The following KIRREL3 variants were observed in gnomAD, a reference collection of about 807,000 sequenced individuals.
The protein encoded by KIRREL3 is kin of IRRE-like protein 3.
KIRREL3 carries 36 observed loss-of-function variants against 89.7 expected under a neutral mutation model. That is an observed-to-expected ratio of 0.40 (90% CI 0.31 to 0.53). The LOEUF is 0.53. Ranked by LOEUF, KIRREL3 falls within the 20% of genes least tolerant of loss-of-function variation. KIRREL3 has a pLI of 0.49. For synonymous variants in KIRREL3, 445 were observed against 441.4 expected, an observed-to-expected ratio of 1.01 and a Z score of -0.10; for missense variants, 864 against 1,056.6, an observed-to-expected ratio of 0.82 and a Z score of 2.53.
Position 126,491,548 on chromosome 11 carries a change from A to G in KIRREL3, c.434-18082T>C, listed in dbSNP as rs1019392022. On this transcript the variant is annotated intron_variant, in intron 4 of 16. Transcript: ENST00000525144. This position sits in a 1 kb window ranked among gnomAD's most constrained non-coding sequence, Gnocchi z 5.5. ...GAGGTCTGGGGCAGGTAAGGAGGCC[A>G]TATCAGGAACACCTGCCCATGTCTG... 1.3e-5 allele frequency among the ~76,000 whole-genome samples: 2 copies of G among 152,172 alleles called. No individual in the cohort carries two copies. Among genetic ancestry groups the G allele is most frequent in the African/African-American group, 2.4e-5 (1 of 41,450 alleles).
intron 2 of KIRREL3, among the ~76,000 whole-genome samples, chr11:126,538,903 G>A (rs764771980): frequency 6.6e-6 from 1 of 152,166 alleles, no homozygotes; most frequent in Admixed American, 6.5e-5. Flanking sequence ...TCAGAGTGAG[G>A]CACAAAGTCC....
intron 4 of KIRREL3, among the ~76,000 whole-genome samples, chr11:126,502,180 G>A (rs1482935168): frequency 6.6e-6 from 1 of 152,152 alleles, no homozygotes; most frequent in African/African-American, 2.4e-5. Context: ...ATGAATCCAG[G>A]TTCAGCCATT....
At chr11:126,895,048 C>A (rs1355108769) in intron 1 of KIRREL3, among the ~76,000 whole-genome samples, 1 of 152,100 alleles carries the variant, frequency 6.6e-6, no homozygotes, top group African/African-American at 2.4e-5. Flanking sequence ...CTAGGAAAGA[C>A]CGGGCTTTAA....
chr11:126,466,417 G>A (rs753160703), intron 5 of KIRREL3, among the ~76,000 whole-genome samples: 6 of 152,222 alleles, frequency 3.9e-5, no homozygotes, highest in Non-Finnish European at 8.8e-5. Context: ...AGGAAGGCTG[G>A]GTCTGCCAGC....
chr11:126,903,330 G>T lies in KIRREL3; in HGVS notation c.55+97125C>A, dbSNP rs1293628370. 6.6e-6 allele frequency among the ~76,000 whole-genome samples: 1 copy of T among 151,698 alleles called. No homozygotes were observed. Among genetic ancestry groups the T allele is most frequent in the Non-Finnish European group, 1.5e-5 (1 of 67,964 alleles). ...TCCTCTTTTTCTCTGGGTTAACAAT[G>T]CAGGGATCATAGTTGCACAATTATT... On this transcript the variant is annotated intron_variant, in intron 1 of 16. Transcript: ENST00000525144. The surrounding 1 kb of genome is among the most constrained non-coding windows in gnomAD (Gnocchi z 4.5).
At chr11:126,803,773 C>T (rs1011996984) in intron 1 of KIRREL3, among the ~76,000 whole-genome samples, 1 of 152,166 alleles carries the variant, frequency 6.6e-6, no homozygotes, top group Non-Finnish European at 1.5e-5. Flanking sequence ...CTTTTCTAAC[C>T]TGCTTGTTTT....
intron 4 of KIRREL3, among the ~76,000 whole-genome samples, chr11:126,478,655 GTATATGTA>G (rs927503215): frequency 7.7e-6 from 1 of 129,052 alleles, no homozygotes; most frequent in South Asian, 2.1e-4. Context: ...GTATGTATGT[GTATATGTA>G]TATATGTATG....
intron 1 of KIRREL3, among the ~76,000 whole-genome samples, chr11:126,675,070 G>C (rs1158640033): frequency 2.6e-5 from 4 of 152,190 alleles, no homozygotes; most frequent in Non-Finnish European, 2.9e-5. Context: ...GGAGCTTGTT[G>C]CCTGCCAGGC....
At position 126,535,065 on chromosome 11, in the gene KIRREL3, A is replaced by G. The variant is rs1290497645; in HGVS notation, c.134-8378T>C. Among the ~76,000 whole-genome samples the G allele has an allele frequency of 6.6e-6, 1 of 151,968 alleles. No individual in the cohort carries two copies. The highest frequency in any genetic ancestry group is 1.5e-5 in the Non-Finnish European group (1 of 67,984). ...TAGGGAGGTGGGCAGGAGGTGGAGC[A>G]TTTGGTGGCCTTTTGGGGGCTCTGG... On this transcript the variant is annotated intron_variant, in intron 2 of 16. Coordinates refer to ENST00000525144, the MANE Select transcript of KIRREL3 (RefSeq NM_032531.4). The surrounding 1 kb of genome is among the most constrained non-coding windows in gnomAD (Gnocchi z 4.5).
rs1020772171 is a variant in KIRREL3 at position 126,877,815 on chromosome 11, C to A, written c.55+122640G>T. Among the ~76,000 whole-genome samples, 2 of 152,140 alleles carry A rather than the reference C, an allele frequency of 1.3e-5. No homozygotes were observed. Among genetic ancestry groups the A allele is most frequent in the East Asian group, 3.8e-4 (2 of 5,200 alleles). On this transcript the variant is annotated intron_variant, in intron 1 of 16. Transcript: ENST00000525144. The surrounding 1 kb of genome is among the most constrained non-coding windows in gnomAD (Gnocchi z 4.9). ...AGTGACATACAGTAGTATGTAATAA[C>A]AGAAGTATCTTGAACCTATCATCCA...
intron 7 of KIRREL3, 102 bp from the exon 8 acceptor site, chr11:126,449,259 T>C: frequency 7.4e-7 from 1 of 1,352,640 alleles, no homozygotes. Context: ...CTGGGTTGTG[T>C]GGCAAGTGGG....
intron 1 of KIRREL3, among the ~76,000 whole-genome samples, chr11:126,854,411 C>A (rs549103624): frequency 1.3e-5 from 2 of 152,246 alleles, no homozygotes; most frequent in East Asian, 3.9e-4. Flanking sequence ...CCCTGACAAC[C>A]ACCTTCTACT....
chr11:126,665,902 T>C (rs77380830), intron 1 of KIRREL3, among the ~76,000 whole-genome samples: 2,816 of 152,340 alleles, frequency 0.018, 56 homozygotes, highest in Admixed American at 0.044. Flanking sequence ...GGAATCATAA[T>C]AGACCCATCA....
chr11:126,608,559 C>G lies in KIRREL3; in HGVS notation c.56-45647G>C, dbSNP rs1394945428. Reference sequence around the variant, plus strand: ...CCTCCTCTTCCCTCCTCTCCCCTCCCCAAATGGCTCCCTTAATCACGAGCT... The same window carrying G: ...CCTCCTCTTCCCTCCTCTCCCCTCCGCAAATGGCTCCCTTAATCACGAGCT... On this transcript the variant is annotated intron_variant, in intron 1 of 16. Coordinates refer to ENST00000525144, the MANE Select transcript of KIRREL3 (RefSeq NM_032531.4). This position sits in a 1 kb window ranked among gnomAD's most constrained non-coding sequence, Gnocchi z 4.9. 6.6e-6 allele frequency among the ~76,000 whole-genome samples: 1 copy of G among 152,042 alleles called. No homozygotes were observed. Among genetic ancestry groups the G allele is most frequent in the Non-Finnish European group, 1.5e-5 (1 of 68,034 alleles).
intron 4 of KIRREL3, among the ~76,000 whole-genome samples, chr11:126,482,544 T>C (rs558775831): frequency 6.6e-6 from 1 of 152,312 alleles, no homozygotes; most frequent in Admixed American, 6.5e-5. Flanking sequence ...CATGAGAAAA[T>C]GCTTTGTAAA....
At chr11:126,818,838 T>C (rs972680752) in intron 1 of KIRREL3, among the ~76,000 whole-genome samples, 4 of 152,196 alleles carry the variant, frequency 2.6e-5, no homozygotes, top group Middle Eastern at 3.2e-3. Context: ...GCTTGGTCTC[T>C]GGTTTTCAAA....
At chr11:126,799,472 CTGTG>C (rs1368934805) in intron 1 of KIRREL3, among the ~76,000 whole-genome samples, 1 of 148,648 alleles carries the variant, frequency 6.7e-6, no homozygotes, top group Non-Finnish European at 1.5e-5. Flanking sequence ...ATGTGTGTAT[CTGTG>C]TGTGTGCATG....
In KIRREL3 at chr11:126,562,915, G is replaced by A. The variant is rs368460917; in HGVS notation, c.56-3C>T. 1.6e-5 allele frequency: 26 copies of A among 1,612,934 alleles called. No individual in the cohort carries two copies. The highest frequency in any genetic ancestry group is 2.2e-5 in the Non-Finnish European group (26 of 1,179,182). ...TCCTCTCTTCTGGAGGCCCAGCTCT[G>A]GAAGAGAAGCATAGGTGGGTGAGTT... On this transcript the variant is annotated splice_polypyrimidine_tract_variant and splice_region_variant and intron_variant, in intron 1 of 16. Coordinates refer to ENST00000525144, the MANE Select transcript of KIRREL3 (RefSeq NM_032531.4). This position sits in a 1 kb window ranked among gnomAD's most constrained non-coding sequence, Gnocchi z 4.7.
In KIRREL3 at chr11:126,473,463, G is replaced by A. The variant is rs1303565791; in HGVS notation, c.437C>T (p.Pro146Leu). The part of the protein sequence containing the change: ...SRPARLTVLV[P>L]PDDPVILGGP... ...CCCCAGGATGACGGGGTCATCAGGC[G>A]GCACTGCGGGGAGAGAAGCAGTGAG... Residue 146 changes from proline to leucine, a missense_variant, in exon 5 of 17, where the codon CCG (proline) becomes CTG (leucine). Transcript: ENST00000525144. The A allele has an allele frequency of 5.2e-6, 8 of 1,545,418 alleles. No individual in the cohort carries two copies. The highest frequency in any genetic ancestry group is 1.2e-5 in the South Asian group (1 of 83,944).
Sources: allele counts gnomAD v4.1 joint callset (sites outside exome capture counted in the v4.1 genomes callset), GRCh38; gene constraint gnomAD v4.1.1; non-coding constraint Gnocchi (gnomAD v3.1); transcripts MANE v1.5; gene names NCBI Gene and HGNC (gene_info 2026-07-23, HGNC 2026-07-21).